NHSL1: variants seen among roughly 807,000 people sequenced by gnomAD.
NHSL1 encodes NHS-like protein 1.
Under a neutral mutation model 95.0 loss-of-function variants are expected in NHSL1, and 48 were observed. The observed-to-expected ratio is 0.51, with a 90% CI of 0.40 to 0.64. The LOEUF is 0.64. NHSL1 is among the 30% of genes least tolerant of loss of function. The pLI is 0.00. For synonymous variants in NHSL1, 783 were observed against 833.9 expected, an observed-to-expected ratio of 0.94 and a Z score of 1.05; for missense variants, 1,971 against 2,077.7, an observed-to-expected ratio of 0.95 and a Z score of 1.00.
chr6:138,583,649 T>A (rs569573301), intron 1 of NHSL1, among the ~76,000 whole-genome samples: 20 of 152,324 alleles, frequency 1.3e-4, no homozygotes, highest in African/African-American at 4.6e-4. Context: ...AACTGATGTT[T>A]GTTAAACTGC....
chr6:138,452,084 A>C (rs748130903), intron 3 of NHSL1, among the ~76,000 whole-genome samples: 2 of 152,330 alleles, frequency 1.3e-5, no homozygotes, highest in African/African-American at 4.8e-5. Flanking sequence ...ACTTAAATGC[A>C]GTTTTGGGAT....
At chr6:138,503,941 A>G (rs190813344), upstream of NHSL1, among the ~76,000 whole-genome samples, 392 of 152,262 alleles carry the variant, frequency 2.6e-3, 3 homozygotes, top group African/African-American at 9.0e-3. Flanking sequence ...TAAAAAAGTA[A>G]AAACTGAGGC....
chr6:138,496,123 A>T, intron 2 of NHSL1, 96 bp downstream of exon 2: 2 of 1,290,604 alleles, frequency 1.5e-6, no homozygotes, highest in Admixed American at 2.2e-5. Flanking sequence ...CTATACATTC[A>T]ATAAAAGTAG....
rs2128231253 is a variant in NHSL1 at position 138,458,311 on chromosome 6, T to C, written c.340-11118A>G. On this transcript the variant is annotated intron_variant, in intron 3 of 7. Coordinates refer to ENST00000343505, the MANE Select transcript of NHSL1 (RefSeq NM_001144060.2). ...CATACCGGGTCAAGTCAGTTCTTCC[T>C]TACTGCTCTCTTGTTTTACAGCTTT... Among the ~76,000 whole-genome samples the C allele has an allele frequency of 2.6e-5, 4 of 152,344 alleles. No individual in the cohort carries two copies. The Middle Eastern group carries it at 0.014, about 518-fold the overall frequency.
chr6:138,546,750 T>C (rs1211141165), upstream of NHSL1, among the ~76,000 whole-genome samples: 7 of 152,260 alleles, frequency 4.6e-5, no homozygotes. Flanking sequence ...AATTTCTAAC[T>C]GTACTGTGGC....
intron 1 of NHSL1, among the ~76,000 whole-genome samples, chr6:138,666,299 G>A (rs535506828): frequency 1.9e-4 from 29 of 150,234 alleles, no homozygotes; most frequent in African/African-American, 3.2e-4. Flanking sequence ...GCGAAACTCC[G>A]TCTCAAAAAC....
At chr6:138,429,106 C>T (rs1180674441) in intron 7 of NHSL1, among the ~76,000 whole-genome samples, 1 of 152,080 alleles carries the variant, frequency 6.6e-6, no homozygotes, top group Non-Finnish European at 1.5e-5. Context: ...AAAATTTTAC[C>T]CTTTTTGTTT....
intron 1 of NHSL1, among the ~76,000 whole-genome samples, chr6:138,627,322 T>C (rs949573846): frequency 6.6e-6 from 1 of 152,242 alleles, no homozygotes; most frequent in Non-Finnish European, 1.5e-5. Context: ...AGTTTTTTTA[T>C]ATGTACCAAC....
intron 1 of NHSL1, among the ~76,000 whole-genome samples, chr6:138,529,112 T>C (rs1042209921): frequency 4.6e-5 from 7 of 152,204 alleles, no homozygotes; most frequent in Admixed American, 1.3e-4. Context: ...ATTCCCTTGA[T>C]TGATGTCTCC....
intron 1 of NHSL1, among the ~76,000 whole-genome samples, chr6:138,608,424 C>T (rs1784463332): frequency 6.6e-6 from 1 of 152,094 alleles, no homozygotes; most frequent in African/African-American, 2.4e-5. Context: ...TTCTCTATGT[C>T]CAAGTCAGTT....
intron 1 of NHSL1, among the ~76,000 whole-genome samples, chr6:138,619,509 C>T (rs1295613903): frequency 6.6e-6 from 1 of 152,156 alleles, no homozygotes; most frequent in Non-Finnish European, 1.5e-5. Flanking sequence ...TTGACTGTTA[C>T]TTTTCGTACC....
chr6:138,571,507 TGATACAA>T (rs1783837861), intron 1 of NHSL1: 1 of 573,448 alleles, frequency 1.7e-6, no homozygotes, highest in African/African-American at 1.9e-5. Flanking sequence ...TTTCTTTGAA[TGATACAA>T]GATACAAGCT....
intron 3 of NHSL1, among the ~76,000 whole-genome samples, chr6:138,461,873 G>A (rs1778018703): frequency 6.6e-6 from 1 of 152,136 alleles, no homozygotes; most frequent in South Asian, 2.1e-4. Context: ...AATTGATTAG[G>A]GCTAAGAGAG....
At chr6:138,448,852 A>G (rs894771141) in intron 3 of NHSL1, among the ~76,000 whole-genome samples, 8 of 152,150 alleles carry the variant, frequency 5.3e-5, no homozygotes, top group African/African-American at 1.9e-4. Flanking sequence ...CGGGAGCTTG[A>G]GACCAGCCTG....
chr6:138,512,961 C>G (rs977488806), intron 1 of NHSL1, among the ~76,000 whole-genome samples: 10 of 152,220 alleles, frequency 6.6e-5, no homozygotes, highest in African/African-American at 2.2e-4. Flanking sequence ...ATGCACCTAC[C>G]CTCAATCTGT....
intron 1 of NHSL1, among the ~76,000 whole-genome samples, chr6:138,552,142 C>T (rs747836543): frequency 9.9e-5 from 15 of 152,126 alleles, no homozygotes; most frequent in Non-Finnish European, 1.5e-5. Flanking sequence ...CTCCTGGGGC[C>T]GGGCATGGTG....
intron 1 of NHSL1, among the ~76,000 whole-genome samples, chr6:138,684,646 G>GAAAA (rs370171537): frequency 6.7e-6 from 1 of 148,954 alleles, no homozygotes; most frequent in African/African-American, 2.5e-5. Flanking sequence ...CTCCGTCTCA[G>GAAAA]AAAAACAAAC....
At chr6:138,541,207 A>G (rs1460897317) in intron 1 of NHSL1, among the ~76,000 whole-genome samples, 2 of 152,098 alleles carry the variant, frequency 1.3e-5, no homozygotes, top group Non-Finnish European at 2.9e-5. Flanking sequence ...TCTCTAATAA[A>G]AATACAAAAA....
chr6:138,609,510 G>A (rs186835922), intron 1 of NHSL1, among the ~76,000 whole-genome samples: 1 of 152,218 alleles, frequency 6.6e-6, no homozygotes, highest in East Asian at 1.9e-4. Flanking sequence ...CAGCACTTTG[G>A]GAGGCCGAGG....
Sources: allele counts gnomAD v4.1 joint callset (sites outside exome capture counted in the v4.1 genomes callset), GRCh38; gene constraint gnomAD v4.1.1; transcripts MANE v1.5; gene names NCBI Gene and HGNC (gene_info 2026-07-23, HGNC 2026-07-21).